Variants in PRKD2 observed in about 807,000 individuals in gnomAD.
PRKD2 encodes the protein protein kinase D2, also known as serine/threonine-protein kinase D2.
A neutral mutation model predicts 86.0 loss-of-function variants in PRKD2; 22 were observed. The ratio of observed to expected loss-of-function variants is 0.26; its 90% CI spans 0.18 to 0.37. The LOEUF is 0.37. PRKD2 is among the 10% of genes least tolerant of loss of function. The probability of loss-of-function intolerance (pLI) is 1.00; values close to 1 mark genes in which losing one functional copy is unlikely to be tolerated. For missense variants in PRKD2, 818 were observed against 1,199.2 expected (o/e 0.68, Z 4.70); for synonymous variants, 509 against 510.9 (o/e 1.00, Z 0.05).
At chr19:46,714,194 G>A (rs1248767059) in intron 1 of PRKD2, 193 bp from the exon 2 acceptor site, 8 of 1,335,512 alleles carry the variant, frequency 6.0e-6, no homozygotes, top group Non-Finnish European at 7.7e-6. Context: ...CCAATTGTAC[G>A]GGGAGGGGGC....
intron 9 of PRKD2, among the ~76,000 whole-genome samples, 167 bp downstream of exon 9, chr19:46,696,990 G>C: frequency 6.6e-6 from 1 of 151,958 alleles, no homozygotes; most frequent in East Asian, 1.9e-4. Flanking sequence ...GGTGGGGCCA[G>C]AATCGGATGG....
chr19:46,697,148 G>A lies in PRKD2; in HGVS notation c.1317+9C>T. On this transcript the variant is annotated intron_variant, in intron 9 of 17. Transcript: ENST00000291281. ...GAAGTCCGAGGGAGCTGAAAGCCCG[G>A]AGGCTTACCTTATAGTATCTGTTGG... 6.4e-7 allele frequency: 1 copy of A among 1,560,218 alleles called. No individual in the cohort carries two copies. Among genetic ancestry groups the A allele is most frequent in the Non-Finnish European group, 8.8e-7 (1 of 1,131,096 alleles).
intron 16 of PRKD2, chr19:46,677,596 G>C (rs1181807585): frequency 1.3e-5 from 2 of 152,520 alleles, no homozygotes; most frequent in African/African-American, 4.8e-5. Flanking sequence ...CAAAGCTCCA[G>C]GCCTTAGGAC....
intron 1 of PRKD2, among the ~76,000 whole-genome samples, chr19:46,715,629 C>T (rs977011027): frequency 1.3e-5 from 2 of 152,196 alleles, no homozygotes; most frequent in African/African-American, 2.4e-5. Flanking sequence ...GAGTGCCTGC[C>T]CCTCCACACA....
intron 5 of PRKD2, among the ~76,000 whole-genome samples, chr19:46,703,038 G>A (rs184044433): frequency 2.6e-5 from 4 of 152,174 alleles, no homozygotes; most frequent in Non-Finnish European, 5.9e-5. Context: ...GAATTTCCAG[G>A]ATTCTAGGTT....
chr19:46,674,906 G>A, intron 17 of PRKD2, 127 bp downstream of exon 17: 1 of 1,188,338 alleles, frequency 8.4e-7, no homozygotes. Context: ...CCCAGCCAAT[G>A]GGAGGCCTAG....
chr19:46,689,735 C>A, intron 13 of PRKD2, 37 bp from the exon 14 acceptor site: 6 of 1,611,962 alleles, frequency 3.7e-6, no homozygotes, highest in Non-Finnish European at 5.1e-6. Flanking sequence ...CCCAGGTAAC[C>A]CACAAACTCA....
At chr19:46,691,910 T>G (rs371775880) in intron 11 of PRKD2, 23 bp downstream of exon 11, 3 of 1,612,546 alleles carry the variant, frequency 1.9e-6, no homozygotes, top group Non-Finnish European at 2.5e-6. Context: ...GGGGAGGGCA[T>G]CAGGTGGGGG....
intron 5 of PRKD2, among the ~76,000 whole-genome samples, chr19:46,702,345 C>A (rs1225568940): frequency 6.6e-6 from 1 of 151,852 alleles, no homozygotes; most frequent in Non-Finnish European, 1.5e-5. Flanking sequence ...TGACCTGATT[C>A]CGTATTTCTA....
chr19:46,706,496 G>A (rs969356416), intron 3 of PRKD2, among the ~76,000 whole-genome samples: 1 of 152,236 alleles, frequency 6.6e-6, no homozygotes, highest in Non-Finnish European at 1.5e-5. Context: ...CCATTTCCCA[G>A]TGTTGGCCTT....
At chr19:46,714,487 G>GGGA (rs111429692) in intron 1 of PRKD2, 3,670 of 148,088 alleles carry the variant, frequency 0.025, 362 homozygotes, top group East Asian at 0.12. Context: ...TGGGGGGGGG[G>GGGA]GCCGGGGGAC....
chr19:46,690,144 T>C (rs2053462878), intron 13 of PRKD2, among the ~76,000 whole-genome samples: 1 of 152,116 alleles, frequency 6.6e-6, no homozygotes, highest in South Asian at 2.1e-4. Context: ...CTGTATCTTT[T>C]AAATCCATAC....
chr19:46,681,608 T>G, intron 15 of PRKD2, 42 bp downstream of exon 15: 5 of 428,962 alleles, frequency 1.2e-5, no homozygotes, highest in Admixed American at 5.3e-5. Flanking sequence ...CGGCCATCAG[T>G]GTTGCCTGGA....
At chr19:46,701,157 G>C in intron 5 of PRKD2, 45 bp from the exon 6 acceptor site, 1 of 1,587,744 alleles carries the variant, frequency 6.3e-7, no homozygotes, top group Non-Finnish European at 8.6e-7. Flanking sequence ...GGGGAAGAGA[G>C]GTTACCTGGA....
intron 13 of PRKD2, 136 bp from the exon 14 acceptor site, chr19:46,689,834 G>T: frequency 1.0e-6 from 1 of 991,716 alleles, no homozygotes; most frequent in South Asian, 1.6e-5. Flanking sequence ...AGGGAAGGGG[G>T]CTTCCCACAG....
At chr19:46,702,813 A>G (rs1217845371) in intron 5 of PRKD2, among the ~76,000 whole-genome samples, 1 of 151,972 alleles carries the variant, frequency 6.6e-6, no homozygotes, top group African/African-American at 2.4e-5. Flanking sequence ...TCAGAGTCCC[A>G]AGTAGCTGGA....
rs2053876713 is a variant in PRKD2 at position 46,716,007 on chromosome 19, C to A, written c.240+124G>T. 2 of 1,403,016 alleles carry A rather than the reference C, an allele frequency of 1.4e-6. No homozygotes were observed. Among genetic ancestry groups the A allele is most frequent in the Non-Finnish European group, 1.9e-6 (2 of 1,062,514 alleles). 86.9% of individuals were successfully genotyped at this position (1,403,016 alleles called of 1,614,324 possible). A position where few individuals can be genotyped will look rare whatever the true frequency, so the allele number is the denominator to read the frequency against. On this transcript the variant is annotated intron_variant, in intron 1 of 17. Coordinates refer to ENST00000291281, the MANE Select transcript of PRKD2 (RefSeq NM_016457.5). The surrounding 1 kb of genome is among the most constrained non-coding windows in gnomAD (Gnocchi z 7.9). ...ATGGAGGGGGGCAATGCCCCCTATCCCTCCATCACCCAAAGCTCAGGTCTC... is the reference window on the plus strand; with the variant it reads ...ATGGAGGGGGGCAATGCCCCCTATCACTCCATCACCCAAAGCTCAGGTCTC...
At chr19:46,681,088 G>A (rs2053298828) in intron 15 of PRKD2, among the ~76,000 whole-genome samples, 1 of 149,732 alleles carries the variant, frequency 6.7e-6, no homozygotes, top group Admixed American at 6.7e-5. Flanking sequence ...CAAGTAGCTG[G>A]GACTACAGGC....
intron 14 of PRKD2, 114 bp downstream of exon 14, chr19:46,689,423 T>C: frequency 1.6e-6 from 2 of 1,252,486 alleles, no homozygotes; most frequent in Non-Finnish European, 2.2e-6. Context: ...ATGGTTTCTG[T>C]TATCTGCTAT....
Sources: gnomAD v4.1 joint callset for allele counts (sites outside exome capture counted in the v4.1 genomes callset) on GRCh38, gnomAD v4.1.1 for gene constraint, Gnocchi (gnomAD v3.1) non-coding constraint, MANE v1.5 for transcripts, NCBI Gene and HGNC (gene_info 2026-07-23, HGNC 2026-07-21) for gene names.